Variants in PGK1 observed in about 807,000 individuals in gnomAD.
The protein encoded by PGK1 is phosphoglycerate kinase 1.
A neutral mutation model predicts 26.9 loss-of-function variants in PGK1; 3 were observed. The observed-to-expected ratio is 0.11, with a 90% CI of 0.05 to 0.29. The LOEUF (loss-of-function observed/expected upper bound fraction) is 0.29, where lower values mean the gene tolerates loss of function less well. Among genes scored for constraint, PGK1 ranks in the 10% least tolerant of loss-of-function variants. The pLI is 1.00. For missense variants in PGK1, 270 were observed against 314.7 expected (o/e 0.86, Z 1.07); for synonymous variants, 125 against 115.3 (o/e 1.08, Z -0.54).
chrX:78,117,270 C>G (rs375364186), intron 4 of PGK1, 42 bp from the exon 5 acceptor site: 1 of 904,124 alleles, frequency 1.1e-6, no homozygotes, highest in Non-Finnish European at 1.6e-6. Flanking sequence ...TTATAGTTGT[C>G]TTTGGAGCCA....
chrX:78,105,577 T>G (rs1219101098), intron 1 of PGK1, among the ~76,000 whole-genome samples: 1 of 111,331 alleles, frequency 9.0e-6, no homozygotes, highest in Non-Finnish European at 1.9e-5. Context: ...CAGTAGGAGA[T>G]CTCCCTTTAC....
intron 2 of PGK1, among the ~76,000 whole-genome samples, chrX:78,112,656 A>G (rs1326881927): frequency 8.9e-6 from 1 of 112,004 alleles, no homozygotes; most frequent in Admixed American, 9.5e-5. Flanking sequence ...TGAGAATTTT[A>G]TGTATTTTCC....
chrX:78,125,066 A>G lies in PGK1; in HGVS notation c.1114+15A>G. On this transcript the variant is annotated intron_variant, in intron 9 of 10. Coordinates refer to ENST00000373316, the MANE Select transcript of PGK1 (RefSeq NM_000291.4). ...CACCATCATAGGTAAGCGGTCCTATACAAAGCTAATACCCATATAAGCTGG... is the reference window on the plus strand; with the variant it reads ...CACCATCATAGGTAAGCGGTCCTATGCAAAGCTAATACCCATATAAGCTGG... 2 of 1,188,898 alleles carry G rather than the reference A, an allele frequency of 1.7e-6. No individual in the cohort carries two copies. Among genetic ancestry groups the G allele is most frequent in the South Asian group, 1.8e-5 (1 of 56,461 alleles).
At chrX:78,105,185 C>T (rs2078265484) in intron 1 of PGK1, among the ~76,000 whole-genome samples, 1 of 112,456 alleles carries the variant, frequency 8.9e-6, no homozygotes, top group Non-Finnish European at 1.9e-5. Context: ...CTTTGGGTCT[C>T]TTACTCTGCG....
chrX:78,111,806 AT>A (rs1294293402), intron 2 of PGK1, among the ~76,000 whole-genome samples: 1 of 112,049 alleles, frequency 8.9e-6, no homozygotes, highest in Non-Finnish European at 1.9e-5. Flanking sequence ...CTATCAAGTT[AT>A]TTTAAGAGTA....
intron 4 of PGK1, among the ~76,000 whole-genome samples, chrX:78,117,008 G>T (rs1404118245): frequency 8.9e-6 from 1 of 111,738 alleles, no homozygotes; most frequent in African/African-American, 3.3e-5. Context: ...TCAGAACCTT[G>T]AGCTGAAGGC....
chrX:78,119,790 A>G lies in PGK1; in HGVS notation c.641+1620A>G, dbSNP rs2078345084. ...TAAATTTCCTGAGGCCTCTCCAGCCATGCGGAACTGTGAGTCAATTTAACC... is the reference window on the plus strand; with the variant it reads ...TAAATTTCCTGAGGCCTCTCCAGCCGTGCGGAACTGTGAGTCAATTTAACC... On this transcript the variant is annotated intron_variant, in intron 6 of 10. Transcript: ENST00000373316. Among the ~76,000 whole-genome samples the G allele has an allele frequency of 2.7e-5, 3 of 112,010 alleles. No homozygotes were observed. The South Asian group carries it at 1.1e-3, about 41-fold the overall frequency.
rs193054849 is a variant in PGK1 at position 78,116,589 on chromosome X, C to G, written c.418-723C>G. On this transcript the variant is annotated intron_variant, in intron 4 of 10. Transcript: ENST00000373316. The stretch of plus-strand genomic sequence containing the variant: ...CTTCCTGTGCCTCTTTGCTTAATCT[C>G]CTGCCAGAGACTCTCTGGTTTGCTT... 6.2e-5 allele frequency among the ~76,000 whole-genome samples: 7 copies of G among 112,333 alleles called. No homozygotes were observed. In the East Asian group the frequency reaches 2.0e-3, roughly 32 times the overall value.
In PGK1 at chrX:78,127,630, G is replaced by GCTATAGATGCTTCTAGA. The variant is rs782426961; in HGVS notation, c.*1803_*1819dup. On this transcript the variant is annotated 3_prime_UTR_variant, in exon 11 of 11. Transcript: ENST00000373316. ...TCCGTCCCTGACATGATGCTTCTAGGCTATAGATGCTTCTAGACTCTATCC... is the reference window on the plus strand; with the variant it reads ...TCCGTCCCTGACATGATGCTTCTAGGCTATAGATGCTTCTAGACTATAGATGCTTCTAGACTCTATCC... 6.3e-5 allele frequency: 7 copies of GCTATAGATGCTTCTAGA among 111,784 alleles called. No individual in the cohort carries two copies. The East Asian group carries it at 1.7e-3, about 27-fold the overall frequency. The allele number at this position is 111,784 out of a possible 1,213,427, so 9.2% of individuals were successfully genotyped here. A position where few individuals can be genotyped will look rare whatever the true frequency, so the allele number is the denominator to read the frequency against.
At position 78,105,497 on chromosome X, in the gene PGK1, A is replaced by T. The variant is rs143819744; in HGVS notation, c.65+1092A>T. On this transcript the variant is annotated intron_variant, in intron 1 of 10. Transcript: ENST00000373316. ...GGTAGGTATTTATTTGGCTGGTGTA[A>T]TCTAGCCCCTTTTCCAATTTGGGCT... 1.2e-4 allele frequency among the ~76,000 whole-genome samples: 13 copies of T among 111,508 alleles called. No individual in the cohort carries two copies. In the East Asian group the frequency reaches 3.6e-3, roughly 31 times the overall value.
Position 78,128,869 on chromosome X carries a change from T to A in PGK1, c.*3039T>A, listed in dbSNP as rs1275341158. On this transcript the variant is annotated 3_prime_UTR_variant, in exon 11 of 11. Coordinates refer to ENST00000373316, the MANE Select transcript of PGK1 (RefSeq NM_000291.4). ...AGTTTCCCTCCCCAGAAGCAACCTCTGGAAGACCAGTTTCTTTCAATCTAA... is the reference window on the plus strand; with the variant it reads ...AGTTTCCCTCCCCAGAAGCAACCTCAGGAAGACCAGTTTCTTTCAATCTAA... The A allele has an allele frequency of 1.8e-5, 2 of 111,442 alleles. No individual in the cohort carries two copies. The highest frequency in any genetic ancestry group is 6.5e-5 in the African/African-American group (2 of 30,590). The allele number at this position is 111,442 out of a possible 1,213,427, so 9.2% of individuals were successfully genotyped here.
chrX:78,125,206 T>C (rs1340408746), intron 9 of PGK1, 121 bp from the exon 10 acceptor site: 3 of 716,298 alleles, frequency 4.2e-6, no homozygotes, highest in East Asian at 3.3e-5. Flanking sequence ...CTTGGTAAGA[T>C]AGAGTTGGGG....
intron 6 of PGK1, 78 bp from the exon 7 acceptor site, chrX:78,122,757 A>G (rs2078362424): frequency 1.6e-6 from 1 of 614,603 alleles, no homozygotes; most frequent in African/African-American, 2.2e-5. Flanking sequence ...GTGCCTTGAA[A>G]TAGAAACTCA....
At chrX:78,108,515 G>T (rs189413066) in intron 1 of PGK1, among the ~76,000 whole-genome samples, 1 of 112,217 alleles carries the variant, frequency 8.9e-6, no homozygotes, top group African/African-American at 3.2e-5. Flanking sequence ...TTTTACTATA[G>T]AATTATTTTT....
chrX:78,117,789 C>G lies in PGK1; in HGVS notation c.522-262C>G, dbSNP rs1043666570. Among the ~76,000 whole-genome samples, 4 of 112,957 alleles carry G rather than the reference C, an allele frequency of 3.5e-5. No homozygotes were observed. In the South Asian group the frequency reaches 1.4e-3, roughly 40 times the overall value. On this transcript the variant is annotated intron_variant, in intron 5 of 10. Transcript: ENST00000373316. Reference sequence around the variant, plus strand: ...GGCCAATTACTTACTGTGATTTGCCCTTTGGCCTGCCTGAAGAGTGTTAAC... The same window carrying G: ...GGCCAATTACTTACTGTGATTTGCCGTTTGGCCTGCCTGAAGAGTGTTAAC...
At position 78,113,737 on chromosome X, in the gene PGK1, G is replaced by A. The variant is rs1348604047; in HGVS notation, c.117-7G>A. Reference sequence around the variant, plus strand: ...TCATTCTGTTTGTTGTCTCTCTTTGGTTGCAGGATTAAGGCTGCTGTCCCA... The same window carrying A: ...TCATTCTGTTTGTTGTCTCTCTTTGATTGCAGGATTAAGGCTGCTGTCCCA... On this transcript the variant is annotated splice_polypyrimidine_tract_variant and splice_region_variant and intron_variant, in intron 2 of 10. Transcript: ENST00000373316. 1.7e-6 allele frequency: 2 copies of A among 1,206,448 alleles called. No individual in the cohort carries two copies. Among genetic ancestry groups the A allele is most frequent in the East Asian group, 3.0e-5 (1 of 33,765 alleles).
chrX:78,105,596 T>G (rs1175289021), intron 1 of PGK1, among the ~76,000 whole-genome samples: 5 of 111,727 alleles, frequency 4.5e-5, no homozygotes, highest in Non-Finnish European at 9.4e-5. Flanking sequence ...ACTCTAACTT[T>G]AAACATATGA....
rs2078391905 is a variant in PGK1, at chrX:78,128,286, C to T, written c.*2456C>T. ...AGGGGCCGGGCATGGTGGCTTACGC[C>T]TGTAATCCCAGGACTTTGGGAGGCC... On this transcript the variant is annotated 3_prime_UTR_variant, in exon 11 of 11. Transcript: ENST00000373316. 8.8e-6 allele frequency: 1 copy of T among 113,555 alleles called. No homozygotes were observed. The highest frequency in any genetic ancestry group is 3.5e-4 in the South Asian group (1 of 2,852). The allele number at this position is 113,555 out of a possible 1,213,427, so 9.4% of individuals were successfully genotyped here.
At chrX:78,111,581 C>G (rs782369094) in intron 2 of PGK1, among the ~76,000 whole-genome samples, 8 of 112,053 alleles carry the variant, frequency 7.1e-5, no homozygotes, top group Non-Finnish European at 1.3e-4. Flanking sequence ...AGTTATATAT[C>G]TGGTACTCAA....
Sources: gnomAD v4.1 joint callset for allele counts (sites outside exome capture counted in the v4.1 genomes callset) on GRCh38, gnomAD v4.1.1 for gene constraint, MANE v1.5 for transcripts, NCBI Gene and HGNC (gene_info 2026-07-23, HGNC 2026-07-21) for gene names.